CSMD3: variants seen among roughly 807,000 people sequenced by gnomAD.
CSMD3 encodes the protein CUB and sushi domain-containing protein 3.
In CSMD3, 177 loss-of-function variants were observed where a neutral mutation model predicts 435.2. That is an observed-to-expected ratio of 0.41 (90% CI 0.36 to 0.46). The LOEUF (loss-of-function observed/expected upper bound fraction) is 0.46. Among genes scored for constraint, CSMD3 ranks in the 20% least tolerant of loss-of-function variants. The probability of loss-of-function intolerance (pLI) is 0.34; values close to 1 mark genes in which losing one functional copy is unlikely to be tolerated. For missense variants in CSMD3, 4,265 were observed against 4,504.6 expected (o/e 0.95, Z 1.52); for synonymous variants, 1,656 against 1,520.5 (o/e 1.09, Z -2.07).
At chr8:112,870,425 C>T (rs1014950852) in intron 10 of CSMD3, among the ~76,000 whole-genome samples, 1 of 151,502 alleles carries the variant, frequency 6.6e-6, no homozygotes, top group African/African-American at 2.4e-5. Context: ...CCTGCCACCA[C>T]ATCCGGCTAA....
intron 5 of CSMD3, among the ~76,000 whole-genome samples, chr8:113,078,170 T>C (rs1279463886): frequency 6.6e-6 from 1 of 152,184 alleles, no homozygotes. Context: ...AGGAATGTCA[T>C]TTATGCAGAC....
chr8:113,096,482 T>C (rs7015938), intron 5 of CSMD3, among the ~76,000 whole-genome samples: 102,137 of 151,908 alleles, frequency 0.67, 35,950 homozygotes, highest in East Asian at 0.95. Flanking sequence ...AAACTCTCAC[T>C]TACATACCAC....
At chr8:112,626,253 G>T (rs1485556453) in intron 22 of CSMD3, among the ~76,000 whole-genome samples, 2 of 152,052 alleles carry the variant, frequency 1.3e-5, no homozygotes, top group Non-Finnish European at 2.9e-5. Context: ...GCCCACCCCT[G>T]TTGATGCCAC....
At chr8:112,963,245 G>GT (rs1229055137) in intron 7 of CSMD3, among the ~76,000 whole-genome samples, 1 of 151,940 alleles carries the variant, frequency 6.6e-6, no homozygotes, top group Non-Finnish European at 1.5e-5. Context: ...CGTGGGAATC[G>GT]TAACAGCCCA....
At chr8:113,264,241 T>C (rs2093449946) in intron 3 of CSMD3, among the ~76,000 whole-genome samples, 1 of 151,550 alleles carries the variant, frequency 6.6e-6, no homozygotes, top group South Asian at 2.1e-4. Context: ...CTATCAATTA[T>C]AACAACTATT....
At chr8:112,770,460 G>C (rs934364014) in intron 13 of CSMD3, among the ~76,000 whole-genome samples, 1 of 152,070 alleles carries the variant, frequency 6.6e-6, no homozygotes, top group South Asian at 2.1e-4. Flanking sequence ...AGACTTCTCA[G>C]CCTCAGAACT....
chr8:113,416,934 A>G (rs949114384), intron 1 of CSMD3, among the ~76,000 whole-genome samples: 9 of 152,130 alleles, frequency 5.9e-5, no homozygotes, highest in African/African-American at 1.2e-4. Context: ...TACTGTATGA[A>G]TACTGTGAGG....
chr8:112,652,412 C>T (rs1005880618), intron 18 of CSMD3, among the ~76,000 whole-genome samples: 1 of 152,066 alleles, frequency 6.6e-6, no homozygotes, highest in African/African-American at 2.4e-5. Context: ...CGTCTAAAAT[C>T]AGAGAAATGG....
intron 35 of CSMD3, among the ~76,000 whole-genome samples, chr8:112,397,669 G>A (rs1830968603): frequency 6.6e-6 from 1 of 152,060 alleles, no homozygotes; most frequent in African/African-American, 2.4e-5. Context: ...TCTCTCTGGG[G>A]TCTCTTTCAT....
intron 4 of CSMD3, among the ~76,000 whole-genome samples, chr8:113,110,841 T>C (rs1256896170): frequency 6.6e-6 from 1 of 152,168 alleles, no homozygotes; most frequent in Non-Finnish European, 1.5e-5. Flanking sequence ...TATTATTTCT[T>C]ACAGATCTGG....
chr8:112,253,725 G>A (rs9297467), intron 63 of CSMD3, among the ~76,000 whole-genome samples: 100,899 of 151,814 alleles, frequency 0.66, 35,346 homozygotes, highest in African/African-American at 0.89. Context: ...GAATTCTAAT[G>A]TAACAATTCA....
intron 10 of CSMD3, among the ~76,000 whole-genome samples, chr8:112,905,023 C>G (rs2082218009): frequency 6.6e-6 from 1 of 151,150 alleles, no homozygotes; most frequent in South Asian, 2.1e-4. Context: ...GGATTTGGTT[C>G]CAGCCTATGA....
chr8:113,236,029 G>A (rs1347992507), intron 3 of CSMD3, among the ~76,000 whole-genome samples: 1 of 152,058 alleles, frequency 6.6e-6, no homozygotes, highest in Non-Finnish European at 1.5e-5. Flanking sequence ...CAACATTTGG[G>A]GGCTAGAGAC....
chr8:112,592,387 C>A (rs1415369139), intron 22 of CSMD3, among the ~76,000 whole-genome samples: 1 of 151,840 alleles, frequency 6.6e-6, no homozygotes, highest in Non-Finnish European at 1.5e-5. Context: ...TCTCTAAATA[C>A]AATACATGTA....
intron 25 of CSMD3, among the ~76,000 whole-genome samples, chr8:112,555,522 A>T (rs1828039821): frequency 6.6e-6 from 1 of 152,022 alleles, no homozygotes; most frequent in Non-Finnish European, 1.5e-5. Flanking sequence ...TTGGCAATTT[A>T]ATTTGATTAT....
chr8:112,814,321 G>A (rs144506943), intron 12 of CSMD3, among the ~76,000 whole-genome samples: 1,714 of 152,270 alleles, frequency 0.011, 31 homozygotes, highest in African/African-American at 0.038. Context: ...TTGAAAAAGG[G>A]TGTGTTCAGG....
At chr8:113,107,157 C>A (rs1355428271) in intron 4 of CSMD3, among the ~76,000 whole-genome samples, 3 of 152,198 alleles carry the variant, frequency 2.0e-5, no homozygotes, top group African/African-American at 7.2e-5. Flanking sequence ...CAGCAAAGAG[C>A]ATCATGCAAG....
chr8:112,653,913 C>T (rs1358482920), intron 18 of CSMD3, among the ~76,000 whole-genome samples: 1 of 152,086 alleles, frequency 6.6e-6, no homozygotes, highest in Non-Finnish European at 1.5e-5. Flanking sequence ...CTGCCTTGGC[C>T]TCCCAAAGTG....
intron 7 of CSMD3, among the ~76,000 whole-genome samples, chr8:112,960,996 T>C (rs755239355): frequency 1.3e-5 from 2 of 151,772 alleles, no homozygotes; most frequent in Non-Finnish European, 3.0e-5. Flanking sequence ...ATGTTTGATG[T>C]GTAAATATCA....
Sources: gnomAD v4.1 joint callset for allele counts (sites outside exome capture counted in the v4.1 genomes callset) on GRCh38, gnomAD v4.1.1 for gene constraint, MANE v1.5 for transcripts, NCBI Gene and HGNC (gene_info 2026-07-23, HGNC 2026-07-21) for gene names.